HTRA4: variants seen among roughly 807,000 people sequenced by gnomAD.
HTRA4 encodes the protein HtrA serine peptidase 4.
A neutral mutation model predicts 49.1 loss-of-function variants in HTRA4; 46 were observed. The observed-to-expected ratio is 0.94, with a 90% CI of 0.74 to 1.20. HTRA4 has a LOEUF of 1.20. Among genes scored for constraint, HTRA4 ranks in the 50% most tolerant of loss-of-function variants. HTRA4 has a pLI of 0.00. For synonymous variants in HTRA4, 261 were observed against 264.0 expected, an observed-to-expected ratio of 0.99 and a Z score of 0.11; for missense variants, 602 against 636.9, an observed-to-expected ratio of 0.95 and a Z score of 0.59.
intron 2 of HTRA4, 46 bp from the exon 3 acceptor site, chr8:38,976,489 C>T: frequency 6.4e-7 from 1 of 1,571,838 alleles, no homozygotes; most frequent in Non-Finnish European, 8.7e-7. Context: ...GGCTGTATCC[C>T]CTAACTTTCT....
intron 7 of HTRA4, 88 bp from the exon 8 acceptor site, chr8:38,982,865 C>A: frequency 2.4e-6 from 2 of 832,672 alleles, no homozygotes; most frequent in Non-Finnish European, 3.9e-6. Context: ...GAACCTTGAG[C>A]AGAACAGAGT....
chr8:38,976,865 T>G, intron 3 of HTRA4, 126 bp downstream of exon 3: 1 of 869,176 alleles, frequency 1.2e-6, no homozygotes, highest in Admixed American at 2.4e-5. Flanking sequence ...TTCTCTGGTT[T>G]CTTTCTGTTC....
rs192756207 is a variant in HTRA4 at position 38,983,567 on chromosome 8, G to T, written c.1268+519G>T. 1.5e-3 allele frequency among the ~76,000 whole-genome samples: 230 copies of T among 151,942 alleles called. 1 individual carries two copies. The highest frequency in any genetic ancestry group is 5.4e-3 in the African/African-American group (223 of 41,408). On this transcript the variant is annotated intron_variant, in intron 8 of 8. Coordinates refer to ENST00000302495, the MANE Select transcript of HTRA4 (RefSeq NM_153692.4). ...TCATTATATAGTAGTATATTGGGGG[G>T]GTGTGTTATTTCAAGTGGATTTCAA...
rs767017947 is a variant in HTRA4 at position 38,987,957 on chromosome 8, T to C, written c.1290T>C (p.Asp430=). 2.5e-6 allele frequency: 4 copies of C among 1,600,928 alleles called. No individual in the cohort carries two copies. The highest frequency in any genetic ancestry group is 1.1e-5 in the South Asian group (1 of 87,276). The part of the protein sequence containing the change: ...AAQSSGLRDH[D]VIVNINGKPI... ...TCAGCTCTGGATTGAGAGATCACGA[T>C]GTAATTGTCAACATAAATGGGAAAC... The change falls in exon 9 of 9, where the codon GAT becomes GAC. Residue 430 remains aspartate, a synonymous_variant. Coordinates refer to ENST00000302495, the MANE Select transcript of HTRA4 (RefSeq NM_153692.4).
chr8:38,985,295 G>A (rs548149442), intron 8 of HTRA4, among the ~76,000 whole-genome samples: 68 of 152,124 alleles, frequency 4.5e-4, no homozygotes, highest in Admixed American at 1.0e-3. Context: ...CGAGGAGCTG[G>A]CACTACAGGC....
chr8:38,984,033 A>AAT (rs1835455807), intron 8 of HTRA4, among the ~76,000 whole-genome samples: 1 of 119,634 alleles, frequency 8.4e-6, no homozygotes, highest in African/African-American at 2.8e-5. Context: ...ATGGAGTCTC[A>AAT]CTCGTTGCCC....
rs544853849 is a variant in HTRA4 at position 38,974,672 on chromosome 8, C to G, written c.409C>G (p.Arg137Gly). 2 of 1,400,948 alleles carry G rather than the reference C, an allele frequency of 1.4e-6. No individual in the cohort carries two copies. Among genetic ancestry groups the G allele is most frequent in the African/African-American group, 3.0e-5 (2 of 66,142 alleles). The allele number at this position is 1,400,948 out of a possible 1,614,324, so 86.8% of individuals were successfully genotyped here. ...GCTCCGGGCCGAAAACCGCGCCGCG[C>G]GCCGCCTGGGCAAGGTCCCGGCCGT... ...CALRAENRAA[R>G]RLGKVPAVPV... The change falls in exon 1 of 9, where the codon CGC (arginine) becomes GGC (glycine). Residue 137 changes from arginine to glycine, a missense_variant. Transcript: ENST00000302495.
chr8:38,977,514 A>G (rs1835368153), intron 3 of HTRA4, among the ~76,000 whole-genome samples: 1 of 152,138 alleles, frequency 6.6e-6, no homozygotes. Flanking sequence ...CTGCATTAAC[A>G]TAACATCCCT....
intron 8 of HTRA4, among the ~76,000 whole-genome samples, chr8:38,984,604 C>A (rs1189001539): frequency 6.6e-6 from 1 of 151,956 alleles, no homozygotes; most frequent in East Asian, 1.9e-4. Context: ...TAAAAATTAG[C>A]TGGGTGTGGT....
intron 4 of HTRA4, among the ~76,000 whole-genome samples, 189 bp from the exon 5 acceptor site, chr8:38,979,026 C>G (rs937466485): frequency 6.6e-6 from 1 of 151,248 alleles, no homozygotes; most frequent in Non-Finnish European, 1.5e-5. Context: ...GGTGGTGGTC[C>G]CACTGCTATA....
At chr8:38,987,872 A>G in intron 8 of HTRA4, 64 bp from the exon 9 acceptor site, 1 of 1,382,678 alleles carries the variant, frequency 7.2e-7, no homozygotes, top group Non-Finnish European at 9.7e-7. Flanking sequence ...ATTAAATTAT[A>G]GATGGGGATA....
chr8:38,987,055 A>G (rs1835490135), intron 8 of HTRA4, among the ~76,000 whole-genome samples: 1 of 152,124 alleles, frequency 6.6e-6, no homozygotes, highest in Admixed American at 6.5e-5. Flanking sequence ...TCTTGATTTT[A>G]GTTTTATACT....
Position 38,988,133 on chromosome 8 carries a change from A to AAAC in HTRA4, c.*37_*38insCAA. On this transcript the variant is annotated 3_prime_UTR_variant, in exon 9 of 9. Coordinates refer to ENST00000302495, the MANE Select transcript of HTRA4 (RefSeq NM_153692.4). ...TTTAAAGTGGGATTATCTAAAAAAA[A>AAAC]AAAAACCAGTTATATCACGTGGTTT... 1.3e-6 allele frequency: 2 copies of AAAC among 1,507,660 alleles called. No individual in the cohort carries two copies. The highest frequency in any genetic ancestry group is 1.8e-6 in the Non-Finnish European group (2 of 1,129,778). The allele number at this position is 1,507,660 out of a possible 1,614,324, so 93.4% of individuals were successfully genotyped here. A position where few individuals can be genotyped will look rare whatever the true frequency, so the allele number is the denominator to read the frequency against.
intron 8 of HTRA4, among the ~76,000 whole-genome samples, chr8:38,986,812 A>G (rs1201591207): frequency 6.6e-6 from 1 of 152,222 alleles, no homozygotes; most frequent in Non-Finnish European, 1.5e-5. Flanking sequence ...CAAGTCTGAA[A>G]GACCCAGGAT....
chr8:38,978,151 A>T lies in HTRA4; in HGVS notation c.966+4A>T, dbSNP rs1174925289. 1 of 1,610,442 alleles carries T rather than the reference A, an allele frequency of 6.2e-7. No homozygotes were observed. The highest frequency in any genetic ancestry group is 8.5e-7 in the Non-Finnish European group (1 of 1,177,892). On this transcript the variant is annotated splice_donor_region_variant and intron_variant, in intron 4 of 8. Transcript: ENST00000302495. ...CCAGATTGATGCCACAATTAATGTA[A>T]GTCACTTAGGACAGAGGTGCCCAAC...
Position 38,976,701 on chromosome 8 carries a change from C to T in HTRA4, c.733C>T (p.Leu245Phe). Residue 245 changes from leucine (L) to phenylalanine (F), a missense_variant, in exon 3 of 9, where the codon CTT becomes TTT. Leu to Phe is a conservative substitution (Grantham distance 22, BLOSUM62 0). Transcript: ENST00000302495. ...RYEAVVKDID[L>F]KLDLAVIKIE... ...TGAAGCTGTTGTCAAGGATATTGAC[C>T]TTAAATTGGATCTTGCGGTGATTAA... 1 of 1,614,144 alleles carries T rather than the reference C, an allele frequency of 6.2e-7. No individual in the cohort carries two copies. Among genetic ancestry groups the T allele is most frequent in the Non-Finnish European group, 8.5e-7 (1 of 1,180,034 alleles).
Position 38,988,095 on chromosome 8 carries a change from T to A in HTRA4, c.1428T>A (p.Asn476Lys). The change falls in exon 9 of 9, where the codon AAT becomes AAA. Residue 476 changes from asparagine to lysine, a missense_variant. Coordinates refer to ENST00000302495, the MANE Select transcript of HTRA4 (RefSeq NM_153692.4). ...LLLTVIPETI[N>K] ...TGACAGTCATACCTGAAACAATCAA[T>A]TAAATATCTTGTTTTAAAGTGGGAT... 1 of 1,574,588 alleles carries A rather than the reference T, an allele frequency of 6.4e-7. No individual in the cohort carries two copies. The highest frequency in any genetic ancestry group is 1.7e-4 in the Middle Eastern group (1 of 5,864).
Position 38,974,342 on chromosome 8 carries a change from C to A in HTRA4, c.79C>A (p.Leu27Ile). Residue 27 changes from leucine to isoleucine, a missense_variant, in exon 1 of 9, where the codon CTC becomes ATC. By Grantham distance (5) the Leu-to-Ile change is conservative. Coordinates refer to ENST00000302495, the MANE Select transcript of HTRA4 (RefSeq NM_153692.4). ...GCTGCTGCTGCTCCTGGTGCCCGTCCTCTGGGCCGGGGCTGAAAAGCTACA... is the reference window on the plus strand; with the variant it reads ...GCTGCTGCTGCTCCTGGTGCCCGTCATCTGGGCCGGGGCTGAAAAGCTACA... ...PGLLLLLVPV[L>I]WAGAEKLHTQ... The A allele has an allele frequency of 6.2e-7, 1 of 1,611,888 alleles. No individual in the cohort carries two copies.
chr8:38,980,923 T>A (rs1835410588), intron 5 of HTRA4, among the ~76,000 whole-genome samples: 1 of 152,106 alleles, frequency 6.6e-6, no homozygotes, highest in African/African-American at 2.4e-5. Context: ...ATCCCACAGC[T>A]TTTTACCTTT....
Sources: gnomAD v4.1 joint callset for allele counts (sites outside exome capture counted in the v4.1 genomes callset) on GRCh38, gnomAD v4.1.1 for gene constraint, MANE v1.5 for transcripts, NCBI Gene and HGNC (gene_info 2026-07-23, HGNC 2026-07-21) for gene names.